Variants in CERT1 observed in about 807,000 individuals in gnomAD.
The protein encoded by CERT1 is ceramide transporter 1.
In CERT1, 31 loss-of-function variants were observed where a neutral mutation model predicts 87.9. That is an observed-to-expected ratio of 0.35 (90% confidence interval 0.27 to 0.48). CERT1 has a LOEUF of 0.48. CERT1 is among the 20% of genes least tolerant of loss of function. The pLI is 0.99. For missense variants in CERT1, 487 were observed against 758.0 expected, an observed-to-expected ratio of 0.64 and a Z score of 4.20; for synonymous variants, 289 against 250.9, an observed-to-expected ratio of 1.15 and a Z score of -1.44.
chr5:75,427,321 G>A lies in CERT1; in HGVS notation c.349-843C>T, dbSNP rs376324748. On this transcript the variant is annotated intron_variant, in intron 3 of 16. Transcript: ENST00000643780. The stretch of plus-strand genomic sequence containing the variant: ...AAAAGTACGGTGAATTAGGCCAGGC[G>A]CGGTGGCTCAGGCATGCCTGTAATC... Among the ~76,000 whole-genome samples, 8 of 152,278 alleles carry A rather than the reference G, an allele frequency of 5.3e-5. No homozygotes were observed. The East Asian group carries it at 1.2e-3, about 22-fold the overall frequency.
upstream of CERT1, chr5:75,511,779 G>A (rs757993663): frequency 3.5e-5 from 54 of 1,551,384 alleles, no homozygotes; most frequent in South Asian, 4.8e-4. Context: ...CCCGGGTGAC[G>A]ACGGGTAGAA....
chr5:75,435,096 T>G (rs776032801), intron 3 of CERT1, among the ~76,000 whole-genome samples: 48 of 152,222 alleles, frequency 3.2e-4, no homozygotes, highest in Non-Finnish European at 1.0e-4. Flanking sequence ...AAGTTCTTGA[T>G]GTAGGCATAT....
At chr5:75,511,843 A>C (rs1467049041), upstream of CERT1, 4 of 1,547,156 alleles carry the variant, frequency 2.6e-6, no homozygotes, top group South Asian at 4.8e-5. Flanking sequence ...GCTGTGCTGC[A>C]TTCTGGGAAG....
At chr5:75,469,937 A>T (rs1178962088) in intron 2 of CERT1, among the ~76,000 whole-genome samples, 1 of 152,202 alleles carries the variant, frequency 6.6e-6, no homozygotes, top group African/African-American at 2.4e-5. Flanking sequence ...TATCAGATGA[A>T]ATAGACTTTA....
intron 2 of CERT1, among the ~76,000 whole-genome samples, chr5:75,459,640 T>C (rs111477268): frequency 3.7e-4 from 57 of 152,208 alleles, no homozygotes; most frequent in African/African-American, 8.9e-4. Context: ...CATACCACCA[T>C]GCCCTGCTAA....
chr5:75,383,109 T>C (rs949363523), intron 14 of CERT1, among the ~76,000 whole-genome samples: 1 of 152,032 alleles, frequency 6.6e-6, no homozygotes, highest in Non-Finnish European at 1.5e-5. Context: ...GGAGAGGGAA[T>C]GGGGAGTTGT....
chr5:75,482,838 A>C (rs1305670731), intron 2 of CERT1, among the ~76,000 whole-genome samples: 2 of 152,234 alleles, frequency 1.3e-5, no homozygotes, highest in African/African-American at 4.8e-5. Flanking sequence ...CACCTAATGC[A>C]GATACCGCTA....
chr5:75,501,813 A>G (rs149224781), intron 2 of CERT1, among the ~76,000 whole-genome samples: 163 of 152,300 alleles, frequency 1.1e-3, no homozygotes, highest in African/African-American at 3.7e-3. Flanking sequence ...AAAAACATCA[A>G]TATCACTCCT....
chr5:75,416,213 CCTT>C (rs1166158479), intron 7 of CERT1, among the ~76,000 whole-genome samples: 8 of 152,130 alleles, frequency 5.3e-5, no homozygotes, highest in Non-Finnish European at 1.0e-4. Context: ...GGCCTCAATT[CCTT>C]CTTCTATAAA....
intron 2 of CERT1, among the ~76,000 whole-genome samples, chr5:75,489,198 A>C (rs1040368454): frequency 3.9e-5 from 6 of 152,230 alleles, no homozygotes; most frequent in Non-Finnish European, 8.8e-5. Flanking sequence ...AGCCATATGC[A>C]GAAAACTGAA....
chr5:75,482,649 G>A (rs1164521935), intron 2 of CERT1, among the ~76,000 whole-genome samples: 1 of 152,174 alleles, frequency 6.6e-6, no homozygotes, highest in Non-Finnish European at 1.5e-5. Context: ...TGGTGCTTGT[G>A]TCACCTTTAC....
intron 1 of CERT1, among the ~76,000 whole-genome samples, chr5:75,507,490 C>T (rs565409439): frequency 6.6e-6 from 1 of 152,284 alleles, no homozygotes; most frequent in Admixed American, 6.5e-5. Flanking sequence ...ATTCTAGTGG[C>T]TCCCAATCAC....
chr5:75,392,559 A>C (rs556284502), intron 11 of CERT1, among the ~76,000 whole-genome samples: 1 of 152,322 alleles, frequency 6.6e-6, no homozygotes, highest in Admixed American at 6.5e-5. Context: ...AGGAAAATAC[A>C]AAGTAACCAA....
In CERT1 at chr5:75,407,313, T is replaced by G. The variant is rs139808716; in HGVS notation, c.930+3698A>C. Among the ~76,000 whole-genome samples the G allele has an allele frequency of 2.1e-3, 316 of 151,682 alleles. 1 individual carries two copies. The East Asian group carries it at 0.027, about 13-fold the overall frequency. ...AAGAGACCATTGGAAAATAAAAAAT[T>G]AGAAAATATGATTATTTAAAATAGA... On this transcript the variant is annotated intron_variant, in intron 8 of 16. Coordinates refer to ENST00000643780, the MANE Select transcript of CERT1 (RefSeq NM_001379029.1).
chr5:75,446,199 C>G (rs1764527968), intron 3 of CERT1, among the ~76,000 whole-genome samples: 1 of 152,130 alleles, frequency 6.6e-6, no homozygotes, highest in Non-Finnish European at 1.5e-5. Flanking sequence ...TCAATCTTTT[C>G]TTTTTGTTCT....
chr5:75,482,826 G>A (rs1298719776), intron 2 of CERT1, among the ~76,000 whole-genome samples: 2 of 152,176 alleles, frequency 1.3e-5, no homozygotes, highest in South Asian at 2.1e-4. Context: ...GGCTTGGGGT[G>A]CCACCTAATG....
chr5:75,478,675 T>G (rs761984139), intron 2 of CERT1, among the ~76,000 whole-genome samples: 4 of 151,964 alleles, frequency 2.6e-5, no homozygotes, highest in Non-Finnish European at 5.9e-5. Flanking sequence ...ATATGTTGAA[T>G]TGAAAGAACC....
chr5:75,510,578 G>A (rs1392396581), intron 1 of CERT1, among the ~76,000 whole-genome samples: 1 of 152,132 alleles, frequency 6.6e-6, no homozygotes, highest in African/African-American at 2.4e-5. Flanking sequence ...GGTACAGGGT[G>A]AGGGAGAAAG....
intron 2 of CERT1, among the ~76,000 whole-genome samples, chr5:75,467,784 T>C (rs931453195): frequency 1.3e-5 from 2 of 152,156 alleles, no homozygotes; most frequent in African/African-American, 2.4e-5. Context: ...GATGAGTATA[T>C]GTAAAACTGG....
Sources: gnomAD v4.1 joint callset for allele counts (sites outside exome capture counted in the v4.1 genomes callset) on GRCh38, gnomAD v4.1.1 for gene constraint, MANE v1.5 for transcripts, NCBI Gene and HGNC (gene_info 2026-07-23, HGNC 2026-07-21) for gene names.